Variants in CNTNAP2 observed in about 807,000 individuals in gnomAD.
CNTNAP2 encodes contactin associated protein 2, also known as contactin-associated protein-like 2.
A neutral mutation model predicts 155.2 loss-of-function variants in CNTNAP2; 98 were observed. That is an observed-to-expected ratio of 0.63 (90% CI 0.54 to 0.75). CNTNAP2 has a LOEUF of 0.75. Among genes scored for constraint, CNTNAP2 ranks in the 30% least tolerant of loss-of-function variants. The pLI is 0.00. For synonymous variants in CNTNAP2, 651 were observed against 631.2 expected, an observed-to-expected ratio of 1.03 and a Z score of -0.47; for missense variants, 1,727 against 1,688.1, an observed-to-expected ratio of 1.02 and a Z score of -0.40.
intron 8 of CNTNAP2, among the ~76,000 whole-genome samples, chr7:147,188,233 G>T (rs931391175): frequency 6.6e-6 from 1 of 152,166 alleles, no homozygotes; most frequent in African/African-American, 2.4e-5. Context: ...TAAACAACAT[G>T]GGTTTGCAGA....
intron 18 of CNTNAP2, among the ~76,000 whole-genome samples, chr7:148,177,598 A>T (rs1331490291): frequency 6.6e-6 from 1 of 152,186 alleles, no homozygotes; most frequent in East Asian, 1.9e-4. Flanking sequence ...TCTGCTAGGC[A>T]GTGTGCTAAG....
At position 146,379,000 on chromosome 7, in the gene CNTNAP2, T is replaced by A. The variant is rs1009778031; in HGVS notation, c.97+262027T>A. ...GTTTGAACAACTAGAGCAACAGACA[T>A]GAGCCCTGCTCTTCGCAGAGATTGT... On this transcript the variant is annotated intron_variant, in intron 1 of 23. Transcript: ENST00000361727. Among the ~76,000 whole-genome samples the A allele has an allele frequency of 2.6e-5, 4 of 152,356 alleles. 1 individual carries two copies. The highest frequency in any genetic ancestry group is 1.5e-5 in the Non-Finnish European group (1 of 68,036).
intron 3 of CNTNAP2, among the ~76,000 whole-genome samples, chr7:146,955,093 G>T (rs1401271379): frequency 6.6e-6 from 1 of 151,794 alleles, no homozygotes; most frequent in African/African-American, 2.4e-5. Context: ...GTAATTTTTT[G>T]CCCTGACAAA....
At chr7:148,000,992 C>G (rs1369142912) in intron 15 of CNTNAP2, among the ~76,000 whole-genome samples, 1 of 152,218 alleles carries the variant, frequency 6.6e-6, no homozygotes, top group Non-Finnish European at 1.5e-5. Flanking sequence ...CTCTGCCTGT[C>G]TCCACAAGGA....
chr7:146,953,649 T>C (rs1032052831), intron 3 of CNTNAP2, among the ~76,000 whole-genome samples: 1 of 151,976 alleles, frequency 6.6e-6, no homozygotes, highest in South Asian at 2.1e-4. Context: ...TGTTTATTAA[T>C]TTTACTGGCC....
At chr7:148,107,979 C>T (rs976480934) in intron 15 of CNTNAP2, among the ~76,000 whole-genome samples, 4 of 152,210 alleles carry the variant, frequency 2.6e-5, no homozygotes, top group Non-Finnish European at 5.9e-5. Context: ...GGCAGCGACA[C>T]TCCTCACCAA....
At chr7:147,697,301 C>T (rs1416761454) in intron 13 of CNTNAP2, among the ~76,000 whole-genome samples, 5 of 152,100 alleles carry the variant, frequency 3.3e-5, no homozygotes, top group African/African-American at 4.8e-5. Context: ...CTATTAAAGC[C>T]TTCTAGCATA....
intron 1 of CNTNAP2, among the ~76,000 whole-genome samples, chr7:146,599,279 C>T (rs569760638): frequency 1.3e-5 from 2 of 152,146 alleles, no homozygotes; most frequent in African/African-American, 2.4e-5. Flanking sequence ...ATTAGAGACA[C>T]ATTGTGTCTC....
chr7:148,238,473 G>C (rs1796086793), intron 20 of CNTNAP2, among the ~76,000 whole-genome samples: 1 of 152,164 alleles, frequency 6.6e-6, no homozygotes, highest in Non-Finnish European at 1.5e-5. Context: ...TTTGCAAGTG[G>C]GCAAGAGAAG....
At chr7:148,308,890 T>A (rs1252616232) in intron 21 of CNTNAP2, among the ~76,000 whole-genome samples, 2 of 152,230 alleles carry the variant, frequency 1.3e-5, no homozygotes, top group South Asian at 2.1e-4. Context: ...TCCAAGTCCC[T>A]GCAAAGGACG....
chr7:148,065,748 G>C (rs995862160), intron 15 of CNTNAP2, among the ~76,000 whole-genome samples: 2 of 152,148 alleles, frequency 1.3e-5, no homozygotes, highest in African/African-American at 4.8e-5. Context: ...GCAATTCTGT[G>C]TCTTTTAAGT....
At chr7:146,219,083 C>T (rs776449318) in intron 1 of CNTNAP2, among the ~76,000 whole-genome samples, 11 of 152,132 alleles carry the variant, frequency 7.2e-5, no homozygotes, top group South Asian at 2.1e-4. Flanking sequence ...GGACCTTCTT[C>T]GCAGGGTGAC....
intron 8 of CNTNAP2, among the ~76,000 whole-genome samples, chr7:147,258,965 G>A (rs1240953673): frequency 6.6e-6 from 1 of 152,158 alleles, no homozygotes; most frequent in Non-Finnish European, 1.5e-5. Context: ...TGAAAGCAGA[G>A]GCACAGCCAT....
At chr7:147,036,012 A>G (rs919802597) in intron 3 of CNTNAP2, among the ~76,000 whole-genome samples, 4 of 152,334 alleles carry the variant, frequency 2.6e-5, no homozygotes, top group South Asian at 4.1e-4. Flanking sequence ...AACTGGCTGG[A>G]AAGTCTTAGA....
chr7:148,334,377 G>A (rs150849702), intron 21 of CNTNAP2, among the ~76,000 whole-genome samples: 2 of 152,236 alleles, frequency 1.3e-5, no homozygotes, highest in Admixed American at 1.3e-4. Context: ...TCAATCGGGT[G>A]GCCTACCATG....
intron 21 of CNTNAP2, among the ~76,000 whole-genome samples, chr7:148,357,575 C>G (rs1798541263): frequency 6.6e-6 from 1 of 152,186 alleles, no homozygotes; most frequent in South Asian, 2.1e-4. Context: ...AATCTAGATC[C>G]ATAGCTCTCT....
chr7:147,117,537 C>T (rs1801014534), intron 5 of CNTNAP2, among the ~76,000 whole-genome samples: 1 of 152,098 alleles, frequency 6.6e-6, no homozygotes, highest in Non-Finnish European at 1.5e-5. Flanking sequence ...ATTTACTGAT[C>T]CCTTCCATTC....
At chr7:146,389,651 A>C (rs1584902097) in intron 1 of CNTNAP2, among the ~76,000 whole-genome samples, 1 of 142,110 alleles carries the variant, frequency 7.0e-6, no homozygotes, top group African/African-American at 2.6e-5. Context: ...TCATCCCTGC[A>C]TTGTCTTTTC....
intron 15 of CNTNAP2, among the ~76,000 whole-genome samples, chr7:148,021,612 C>T (rs1273796063): frequency 6.6e-6 from 1 of 152,198 alleles, no homozygotes; most frequent in African/African-American, 2.4e-5. Flanking sequence ...TCTCCACCTG[C>T]GAGAGACGGC....
Sources: gnomAD v4.1 joint callset for allele counts (sites outside exome capture counted in the v4.1 genomes callset) on GRCh38, gnomAD v4.1.1 for gene constraint, MANE v1.5 for transcripts, NCBI Gene and HGNC (gene_info 2026-07-23, HGNC 2026-07-21) for gene names.